Variants in PCDH11X observed in about 807,000 individuals in gnomAD.
The protein encoded by PCDH11X is protocadherin 11 X-linked.
Under a neutral mutation model 53.3 loss-of-function variants are expected in PCDH11X, and 18 were observed. That is an observed-to-expected ratio of 0.34 (90% CI 0.23 to 0.50). The LOEUF (loss-of-function observed/expected upper bound fraction) is 0.50. Among genes scored for constraint, PCDH11X ranks in the 20% least tolerant of loss-of-function variants. PCDH11X has a pLI of 0.98. For missense variants in PCDH11X, 570 were observed against 1,032.4 expected (o/e 0.55, Z 6.14); for synonymous variants, 279 against 393.3 (o/e 0.71, Z 3.44).
intron 8 of PCDH11X, among the ~76,000 whole-genome samples, chrX:92,272,404 G>A (rs1341795785): frequency 7.2e-5 from 8 of 111,716 alleles, no homozygotes; most frequent in Non-Finnish European, 1.5e-4. Context: ...GGATCTCACA[G>A]GCAAGCCTCT....
At chrX:91,929,573 T>C (rs1437315332) in intron 6 of PCDH11X, among the ~76,000 whole-genome samples, 1 of 111,049 alleles carries the variant, frequency 9.0e-6, no homozygotes, top group Non-Finnish European at 1.9e-5. Context: ...CTGATTATCA[T>C]GGCCACGTTG....
chrX:91,981,511 TA>T (rs2062138278), intron 6 of PCDH11X, among the ~76,000 whole-genome samples: 3 of 111,542 alleles, frequency 2.7e-5, no homozygotes, highest in African/African-American at 9.8e-5. Flanking sequence ...AATGATTCAT[TA>T]GAAAAAAAAT....
intron 10 of PCDH11X, among the ~76,000 whole-genome samples, chrX:92,585,484 G>T (rs1451391034): frequency 3.8e-5 from 4 of 105,420 alleles, no homozygotes; most frequent in Non-Finnish European, 7.7e-5. Flanking sequence ...CCATTCTCCT[G>T]CCTCAGCCTC....
At chrX:91,995,200 C>T (rs1244723554) in intron 6 of PCDH11X, among the ~76,000 whole-genome samples, 13 of 101,820 alleles carry the variant, frequency 1.3e-4, no homozygotes, top group Non-Finnish European at 1.4e-4. Context: ...GTTGCCTATC[C>T]TTTTGGTGTC....
chrX:92,080,727 G>A (rs1301626993), intron 6 of PCDH11X, among the ~76,000 whole-genome samples: 2 of 110,376 alleles, frequency 1.8e-5, no homozygotes, highest in African/African-American at 6.7e-5. Context: ...TGGCACAGGA[G>A]CCATCATAAA....
At chrX:91,868,726 T>C (rs1939120892) in intron 5 of PCDH11X, among the ~76,000 whole-genome samples, 2 of 111,872 alleles carry the variant, frequency 1.8e-5, no homozygotes, top group South Asian at 7.4e-4. Context: ...TACAGCAGTG[T>C]CTATTAGTGA....
chrX:92,014,126 T>C (rs2062745589), intron 6 of PCDH11X, among the ~76,000 whole-genome samples: 1 of 110,107 alleles, frequency 9.1e-6, no homozygotes, highest in African/African-American at 3.3e-5. Context: ...ATTTTTGCAA[T>C]CTACTCATCT....
At chrX:92,466,969 G>A (rs1294675587) in intron 9 of PCDH11X, among the ~76,000 whole-genome samples, 2 of 109,547 alleles carry the variant, frequency 1.8e-5, no homozygotes, top group African/African-American at 6.6e-5. Context: ...TAAATATTAC[G>A]AGTTGATTAT....
At chrX:92,601,055 G>A (rs1178069713) in intron 10 of PCDH11X, among the ~76,000 whole-genome samples, 1 of 110,609 alleles carries the variant, frequency 9.0e-6, no homozygotes, top group African/African-American at 3.3e-5. Flanking sequence ...TATCTAGGAA[G>A]TAACTAACTT....
intron 6 of PCDH11X, among the ~76,000 whole-genome samples, chrX:92,123,511 A>G (rs2064808903): frequency 9.1e-6 from 1 of 110,305 alleles, no homozygotes; most frequent in African/African-American, 3.3e-5. Flanking sequence ...TGCTGCACCA[A>G]ACCTAGTTCC....
intron 7 of PCDH11X, among the ~76,000 whole-genome samples, chrX:92,259,976 C>G (rs1011701205): frequency 9.0e-6 from 1 of 111,528 alleles, no homozygotes; most frequent in Non-Finnish European, 1.9e-5. Flanking sequence ...AGATGCAAGA[C>G]AAAGTCCTCC....
At chrX:91,986,716 ATGT>A (rs1164476142) in intron 6 of PCDH11X, among the ~76,000 whole-genome samples, 1 of 104,843 alleles carries the variant, frequency 9.5e-6, no homozygotes, top group Non-Finnish European at 2.0e-5. Context: ...GATCTGGGAA[ATGT>A]TGTCCTTTTT....
At chrX:91,900,636 C>T (rs768313256) in intron 6 of PCDH11X, among the ~76,000 whole-genome samples, 12 of 110,570 alleles carry the variant, frequency 1.1e-4, no homozygotes, top group African/African-American at 3.6e-4. Flanking sequence ...ATTAGGTTTG[C>T]TCCCTCATAA....
At chrX:92,297,196 A>T (rs2068626896) in intron 8 of PCDH11X, among the ~76,000 whole-genome samples, 1 of 109,964 alleles carries the variant, frequency 9.1e-6, no homozygotes, top group African/African-American at 3.3e-5. Flanking sequence ...ATTGCTTTTG[A>T]TTTCTCTGTT....
At position 91,830,005 on chromosome X, in the gene PCDH11X, G is replaced by C. The variant is rs759070653; in HGVS notation, c.-44-5456G>C. On this transcript the variant is annotated intron_variant, in intron 4 of 10. Transcript: ENST00000682573. ...ACCCTGAGGCAATAGAAGAATGTGTGATGATAGACAAACGTTATATTTTTG... is the reference window on the plus strand; with the variant it reads ...ACCCTGAGGCAATAGAAGAATGTGTCATGATAGACAAACGTTATATTTTTG... Among the ~76,000 whole-genome samples, 486 of 110,834 alleles carry C rather than the reference G, an allele frequency of 4.4e-3. 3 individuals are homozygous for C. Among genetic ancestry groups the C allele is most frequent in the African/African-American group, 0.015 (457 of 29,981 alleles).
At chrX:92,387,429 A>T (rs779386536) in intron 8 of PCDH11X, among the ~76,000 whole-genome samples, 1 of 112,403 alleles carries the variant, frequency 8.9e-6, no homozygotes, top group Admixed American at 9.5e-5. Flanking sequence ...TAAAATTATG[A>T]TTGGAATTTC....
rs750095977 is a variant in PCDH11X at position 91,927,716 on chromosome X, T to C, written c.3033+48443T>C. Reference sequence around the variant, plus strand: ...TATGTAACGCATCTTTGATATCTATTGTAACTTTTCTGAGAAGTTCCCCCA... The same window carrying C: ...TATGTAACGCATCTTTGATATCTATCGTAACTTTTCTGAGAAGTTCCCCCA... On this transcript the variant is annotated intron_variant, in intron 6 of 10. Transcript: ENST00000682573. 1.4e-3 allele frequency among the ~76,000 whole-genome samples: 151 copies of C among 111,619 alleles called. 1 individual carries two copies. The highest frequency in any genetic ancestry group is 9.2e-3 in the Middle Eastern group (2 of 217).
chrX:92,475,159 C>T (rs1473722155), intron 10 of PCDH11X, among the ~76,000 whole-genome samples: 3 of 58,296 alleles, frequency 5.1e-5, no homozygotes, highest in African/African-American at 1.8e-4. Context: ...AGCGAGACTC[C>T]GTCTCAAAAA....
intron 1 of PCDH11X, among the ~76,000 whole-genome samples, chrX:91,784,389 T>G (rs1935261632): frequency 8.9e-6 from 1 of 112,237 alleles, no homozygotes; most frequent in Non-Finnish European, 1.9e-5. Context: ...CTTTGGGGAA[T>G]AAAATTTCTC....
Sources: allele counts gnomAD v4.1 joint callset (sites outside exome capture counted in the v4.1 genomes callset), GRCh38; gene constraint gnomAD v4.1.1; transcripts MANE v1.5; gene names NCBI Gene and HGNC (gene_info 2026-07-23, HGNC 2026-07-21).